Variants in ZNF407 observed in about 807,000 individuals in gnomAD.
ZNF407 encodes zinc finger protein 407.
A neutral mutation model predicts 131.2 loss-of-function variants in ZNF407; 17 were observed. The ratio of observed to expected loss-of-function variants is 0.13; its 90% CI spans 0.09 to 0.19. ZNF407 has a LOEUF of 0.19. ZNF407 is among the 10% of genes least tolerant of loss of function. ZNF407 has a pLI of 1.00. For missense variants in ZNF407, 2,681 were observed against 2,830.6 expected (o/e 0.95, Z 1.20); for synonymous variants, 1,156 against 1,062.0 (o/e 1.09, Z -1.72).
At chr18:74,825,374 T>C (rs1465323450) in intron 4 of ZNF407, among the ~76,000 whole-genome samples, 1 of 152,106 alleles carries the variant, frequency 6.6e-6, no homozygotes, top group African/African-American at 2.4e-5. Context: ...ATAAAGTGTA[T>C]TCAAATAGGA....
intron 4 of ZNF407, among the ~76,000 whole-genome samples, chr18:74,801,206 G>A (rs1010363269): frequency 6.6e-6 from 1 of 152,118 alleles, no homozygotes; most frequent in African/African-American, 2.4e-5. Context: ...TTTCTCTTGA[G>A]TATGATTAAT....
At chr18:74,599,529 A>G (rs1982485204) in intron 1 of ZNF407, among the ~76,000 whole-genome samples, 1 of 152,180 alleles carries the variant, frequency 6.6e-6, no homozygotes, top group Non-Finnish European at 1.5e-5. Context: ...ATAAATATAT[A>G]TAATACCTTT....
At chr18:74,903,613 C>T (rs1393057662) in intron 7 of ZNF407, among the ~76,000 whole-genome samples, 1 of 152,106 alleles carries the variant, frequency 6.6e-6, no homozygotes, top group African/African-American at 2.4e-5. Context: ...CACTTTGCTA[C>T]ACCTAGTGAG....
intron 8 of ZNF407, among the ~76,000 whole-genome samples, chr18:75,012,341 GTGTA>G (rs1972986781): frequency 1.0e-5 from 1 of 99,300 alleles, no homozygotes; most frequent in African/African-American, 3.6e-5. Context: ...TGTACACATA[GTGTA>G]TGTACACATA....
intron 8 of ZNF407, among the ~76,000 whole-genome samples, chr18:75,037,219 T>C (rs1238158420): frequency 6.6e-6 from 1 of 152,196 alleles, no homozygotes; most frequent in African/African-American, 2.4e-5. Flanking sequence ...TCATATTGCC[T>C]CATTTAGGTA....
intron 3 of ZNF407, among the ~76,000 whole-genome samples, chr18:74,726,147 T>C (rs1968152955): frequency 1.3e-5 from 2 of 152,176 alleles, no homozygotes; most frequent in African/African-American, 2.4e-5. Context: ...TTTTTTTCCC[T>C]CTTTTATTCA....
intron 3 of ZNF407, among the ~76,000 whole-genome samples, chr18:74,768,392 A>C (rs1173768292): frequency 6.6e-6 from 1 of 152,216 alleles, no homozygotes; most frequent in Non-Finnish European, 1.5e-5. Flanking sequence ...TTTACATAAA[A>C]TATCAGGGAA....
chr18:74,696,228 C>A (rs1227744435), intron 3 of ZNF407, among the ~76,000 whole-genome samples: 2 of 152,160 alleles, frequency 1.3e-5, no homozygotes, highest in Admixed American at 6.5e-5. Flanking sequence ...GAGAGTGGAG[C>A]AGAGGTCTGT....
intron 3 of ZNF407, among the ~76,000 whole-genome samples, chr18:74,770,178 A>T (rs1387234675): frequency 1.3e-5 from 2 of 152,174 alleles, no homozygotes; most frequent in Admixed American, 1.3e-4. Context: ...AATTGGGAGG[A>T]TCAGTTGAGT....
intron 3 of ZNF407, among the ~76,000 whole-genome samples, chr18:74,691,247 C>A (rs1257554914): frequency 6.6e-6 from 1 of 151,484 alleles, no homozygotes; most frequent in Non-Finnish European, 1.5e-5. Context: ...CCATTGCACT[C>A]CAGCCTGGGC....
At chr18:74,768,799 C>T (rs928609287) in intron 3 of ZNF407, among the ~76,000 whole-genome samples, 2 of 151,928 alleles carry the variant, frequency 1.3e-5, no homozygotes, top group Non-Finnish European at 2.9e-5. Flanking sequence ...CATTTATTAC[C>T]CTCTTTGGCC....
intron 8 of ZNF407, among the ~76,000 whole-genome samples, chr18:74,991,199 G>A (rs865803741): frequency 5.9e-5 from 9 of 152,256 alleles, no homozygotes; most frequent in Admixed American, 3.3e-4. Context: ...CTGATAGCAC[G>A]CAGATAAAAC....
In ZNF407 at chr18:74,634,863, C is replaced by G; in HGVS notation, c.3844C>G (p.Gln1282Glu). 1 of 1,613,568 alleles carries G rather than the reference C, an allele frequency of 6.2e-7. No individual in the cohort carries two copies. The highest frequency in any genetic ancestry group is 8.5e-7 in the Non-Finnish European group (1 of 1,179,704). The part of the protein sequence containing the change: ...REQGNLESGG[Q>E]NRVARGHGLE... ...ACAGGGAAATCTGGAGAGCGGGGGT[C>G]AGAACAGAGTTGCACGTGGGCATGG... Residue 1282 changes from glutamine to glutamate, a missense_variant, in exon 2 of 9, where the codon CAG becomes GAG. By Grantham distance (29) the Gln-to-Glu change is conservative. Transcript: ENST00000299687.
At chr18:74,983,333 T>C (rs1360512397) in intron 8 of ZNF407, among the ~76,000 whole-genome samples, 1 of 152,212 alleles carries the variant, frequency 6.6e-6, no homozygotes, top group Non-Finnish European at 1.5e-5. Flanking sequence ...TCAGGTGTTA[T>C]CTTAGGCTGT....
chr18:74,949,316 A>G (rs561677739), intron 8 of ZNF407, among the ~76,000 whole-genome samples: 1 of 152,322 alleles, frequency 6.6e-6, no homozygotes, highest in East Asian at 1.9e-4. Context: ...GATTCAGGGG[A>G]ATCACTTAAC....
At chr18:75,018,410 G>A (rs1254466982) in intron 8 of ZNF407, among the ~76,000 whole-genome samples, 1 of 151,928 alleles carries the variant, frequency 6.6e-6, no homozygotes, top group African/African-American at 2.4e-5. Context: ...TATTAGAACT[G>A]ATTGGGATTT....
intron 3 of ZNF407, among the ~76,000 whole-genome samples, chr18:74,695,388 C>T: frequency 6.6e-6 from 1 of 152,160 alleles, no homozygotes; most frequent in Non-Finnish European, 1.5e-5. Context: ...AGAACAAGTG[C>T]TAAAAATACA....
At chr18:74,808,874 A>G (rs113240199) in intron 4 of ZNF407, among the ~76,000 whole-genome samples, 153 of 152,338 alleles carry the variant, frequency 1.0e-3, no homozygotes, top group African/African-American at 3.4e-3. Flanking sequence ...GAAGAAAATA[A>G]AAATATTAAA....
At chr18:74,651,147 C>T (rs985071084) in intron 3 of ZNF407, among the ~76,000 whole-genome samples, 1 of 151,920 alleles carries the variant, frequency 6.6e-6, no homozygotes, top group African/African-American at 2.4e-5. Flanking sequence ...TTACTGTCAT[C>T]CTTAAAGAGC....
Sources: gnomAD v4.1 joint callset for allele counts (sites outside exome capture counted in the v4.1 genomes callset) on GRCh38, gnomAD v4.1.1 for gene constraint, MANE v1.5 for transcripts, NCBI Gene and HGNC (gene_info 2026-07-23, HGNC 2026-07-21) for gene names.